MFSD12: variants seen among roughly 807,000 people sequenced by gnomAD.
MFSD12 encodes major facilitator superfamily domain containing 12, also known as major facilitator superfamily domain-containing protein 12.
A neutral mutation model predicts 51.2 loss-of-function variants in MFSD12; 67 were observed. The observed-to-expected ratio is 1.31, with a 90% CI of 1.08 to 1.60. The LOEUF (loss-of-function observed/expected upper bound fraction) is 1.60, where lower values mean the gene tolerates loss of function less well. Ranked by LOEUF, MFSD12 falls within the 40% of genes most tolerant of loss-of-function variation. The pLI is 0.00. For missense variants in MFSD12, 921 were observed against 673.0 expected (o/e 1.37, Z -4.08); for synonymous variants, 441 against 316.7 (o/e 1.39, Z -4.17).
chr19:3,549,558 A>G (rs2031339940), intron 2 of MFSD12, among the ~76,000 whole-genome samples: 1 of 148,942 alleles, frequency 6.7e-6, no homozygotes, highest in African/African-American at 2.5e-5. Context: ...TCCCATCTCT[A>G]CTAAAAATAC....
chr19:3,542,249 G>A (rs1403220755), downstream of MFSD12: 1 of 985,332 alleles, frequency 1.0e-6, no homozygotes, highest in Non-Finnish European at 1.2e-6. Flanking sequence ...AACAGGCTCT[G>A]TAACTGACCA....
chr19:3,548,597 C>T (rs1408395954), intron 2 of MFSD12, among the ~76,000 whole-genome samples: 1 of 152,206 alleles, frequency 6.6e-6, no homozygotes, highest in East Asian at 1.9e-4. Flanking sequence ...TCTTCTTCCC[C>T]AGATGCTGGG....
At chr19:3,548,712 G>T (rs1047360439) in intron 2 of MFSD12, among the ~76,000 whole-genome samples, 2 of 152,308 alleles carry the variant, frequency 1.3e-5, no homozygotes, top group South Asian at 2.1e-4. Context: ...ATCCTACCAT[G>T]AATCAGTCTC....
chr19:3,542,385 G>T (rs2030488424), downstream of MFSD12: 6 of 985,332 alleles, frequency 6.1e-6, no homozygotes, highest in African/African-American at 3.5e-5. Flanking sequence ...CTGCTAGACT[G>T]TCTTGGGGCC....
intron 7 of MFSD12, 28 bp from the exon 8 acceptor site, chr19:3,546,196 C>G (rs369967813): frequency 2.0e-5 from 33 of 1,609,980 alleles, no homozygotes; most frequent in Middle Eastern, 1.6e-4. Context: ...AGGTGGTCAG[C>G]GTGCACCCCG....
chr19:3,543,869 G>C (rs1428731497), downstream of MFSD12: 1 of 1,549,544 alleles, frequency 6.5e-7, no homozygotes, highest in African/African-American at 1.4e-5. Context: ...CACTGTGGAG[G>C]GCATCAGACT....
At position 3,546,241 on chromosome 19, in the gene MFSD12, G is replaced by C; in HGVS notation, c.1194+14C>G. 5.0e-6 allele frequency: 8 copies of C among 1,606,980 alleles called. No homozygotes were observed. The highest frequency in any genetic ancestry group is 6.0e-6 in the Non-Finnish European group (7 of 1,175,826). ...ACCCGGCCTCCCCCACCCCAGCCTG[G>C]CTACCAGCCCTACCGTGTGGGGACC... On this transcript the variant is annotated intron_variant, in intron 7 of 9. Transcript: ENST00000355415.
downstream of MFSD12, chr19:3,543,941 G>T (rs1400928303): frequency 1.0e-5 from 16 of 1,551,024 alleles, no homozygotes; most frequent in Non-Finnish European, 1.1e-5. Flanking sequence ...ACCGGGAGTG[G>T]GTCCTGGAAC....
chr19:3,543,505 G>T, downstream of MFSD12: 1 of 1,478,486 alleles, frequency 6.8e-7, no homozygotes, highest in Non-Finnish European at 9.1e-7. Context: ...CTGGGCAGCG[G>T]GCCTGCCAGA....
intron 8 of MFSD12, among the ~76,000 whole-genome samples, chr19:3,545,691 C>T (rs969772409): frequency 2.0e-5 from 3 of 152,250 alleles, no homozygotes; most frequent in Middle Eastern, 3.2e-3. Flanking sequence ...GCCCCAGGCC[C>T]AGACCGGCTG....
chr19:3,543,267 GGCCACCA>G (rs1242430865), downstream of MFSD12: 10 of 1,547,214 alleles, frequency 6.5e-6, no homozygotes, highest in East Asian at 2.4e-5. Flanking sequence ...GGTTCCCGCT[GGCCACCA>G]GCCATCAGGC....
chr19:3,547,929 C>T lies in MFSD12; in HGVS notation c.756G>A (p.Glu252=), dbSNP rs894297992. 1.0e-5 allele frequency: 16 copies of T among 1,588,808 alleles called. No homozygotes were observed. Among genetic ancestry groups the T allele is most frequent in the Non-Finnish European group, 1.4e-5 (16 of 1,174,416 alleles). ...RRRPHAEEPG[E]HTPLLAPATA... ...TGGCAGGGGCCAACAGGGGGGTGTG[C>T]TCGCCTGGCTCCTCCGCATGCGGCC... Residue 252 remains glutamate (E), a synonymous_variant, in exon 4 of 10, where the codon GAG becomes GAA. Coordinates refer to ENST00000355415, the MANE Select transcript of MFSD12 (RefSeq NM_174983.5).
At position 3,544,902 on chromosome 19, in the gene MFSD12, G is replaced by A. The variant is rs368039343; in HGVS notation, c.1327C>T (p.His443Tyr). The change falls in exon 9 of 10, where the codon CAC becomes TAC. Residue 443 changes from histidine to tyrosine, a missense_variant. Physicochemically the swap from His to Tyr is moderately conservative, Grantham distance 83 (BLOSUM62 2). Coordinates refer to ENST00000355415, the MANE Select transcript of MFSD12 (RefSeq NM_174983.5). ...LCCRACVSFY[H>Y]WAMVAVTGGV... ...CCCGTCACAGCCACCATCGCCCAGTGGTAAAAGCTCACGCAGGCCCTGCAG... is the reference window on the plus strand; with the variant it reads ...CCCGTCACAGCCACCATCGCCCAGTAGTAAAAGCTCACGCAGGCCCTGCAG... 31 of 1,611,450 alleles carry A rather than the reference G, an allele frequency of 1.9e-5. No individual in the cohort carries two copies. The highest frequency in any genetic ancestry group is 2.5e-5 in the Non-Finnish European group (29 of 1,179,508).
downstream of MFSD12, chr19:3,543,870 G>A (rs2030687814): frequency 6.5e-7 from 1 of 1,549,592 alleles, no homozygotes; most frequent in East Asian, 2.4e-5. Context: ...ACTGTGGAGG[G>A]CATCAGACTA....
Position 3,557,417 on chromosome 19 carries a change from C to T in MFSD12, c.-14G>A, listed in dbSNP as rs1001146108. On this transcript the variant is annotated 5_prime_UTR_variant, in exon 1 of 10. Coordinates refer to ENST00000355415, the MANE Select transcript of MFSD12 (RefSeq NM_174983.5). ...TCCCGGGCCCATCGCGGCGCCGGGC[C>T]CGCGCCCCCCACCCCCGGGCTCCGC... 6 of 1,216,956 alleles carry T rather than the reference C, an allele frequency of 4.9e-6. No homozygotes were observed. Among genetic ancestry groups the T allele is most frequent in the Non-Finnish European group, 6.2e-6 (6 of 973,918 alleles). 75.4% of individuals were successfully genotyped at this position (1,216,956 alleles called of 1,614,324 possible).
chr19:3,547,553 G>T lies in MFSD12; in HGVS notation c.838-6C>A, dbSNP rs776537666. On this transcript the variant is annotated splice_polypyrimidine_tract_variant and splice_region_variant and intron_variant, in intron 4 of 9. Coordinates refer to ENST00000355415, the MANE Select transcript of MFSD12 (RefSeq NM_174983.5). ...GTCATGTACAGTATGCCCACCTGTGGGCAGACCGACAGAGGGACTGGCAGG... is the reference window on the plus strand; with the variant it reads ...GTCATGTACAGTATGCCCACCTGTGTGCAGACCGACAGAGGGACTGGCAGG... 1 of 1,606,322 alleles carries T rather than the reference G, an allele frequency of 6.2e-7. No homozygotes were observed. The highest frequency in any genetic ancestry group is 1.7e-5 in the Admixed American group (1 of 58,958).
chr19:3,551,185 C>T lies in MFSD12; in HGVS notation c.308G>A (p.Cys103Tyr). The change falls in exon 2 of 10, where the codon TGC becomes TAC. Residue 103 changes from cysteine (C) to tyrosine (Y), a missense_variant. Physicochemically the swap from Cys to Tyr is radical, Grantham distance 194 (BLOSUM62 -2). Coordinates refer to ENST00000355415, the MANE Select transcript of MFSD12 (RefSeq NM_174983.5). This position sits in a 1 kb window ranked among gnomAD's most constrained non-coding sequence, Gnocchi z 4.6. ...RKAWHLVGTVCVLLSFPFIFS... is the reference protein window; with the variant it reads ...RKAWHLVGTVYVLLSFPFIFS... The stretch of plus-strand genomic sequence containing the variant: ...GATGAAGGGGAAGGACAGCAGGACG[C>T]AGACGGTGCCTGTGGAAGGCAGAGT... The T allele has an allele frequency of 6.2e-7, 1 of 1,605,684 alleles. No homozygotes were observed. The highest frequency in any genetic ancestry group is 8.5e-7 in the Non-Finnish European group (1 of 1,176,244).
chr19:3,543,462 G>A (rs764896759), downstream of MFSD12: 228 of 1,535,708 alleles, frequency 1.5e-4, no homozygotes, highest in Middle Eastern at 2.3e-4. Context: ...CGTGAGTGCA[G>A]CATGCCATCG....
At position 3,557,562 on chromosome 19, in the gene MFSD12, G is replaced by C; in HGVS notation, c.-159C>G. 1 of 301,740 alleles carries C rather than the reference G, an allele frequency of 3.3e-6. No homozygotes were observed. The highest frequency in any genetic ancestry group is 5.4e-6 in the Non-Finnish European group (1 of 184,280). The allele number at this position is 301,740 out of a possible 1,614,324, so 18.7% of individuals were successfully genotyped here. On this transcript the variant is annotated 5_prime_UTR_variant, in exon 1 of 10. Coordinates refer to ENST00000355415, the MANE Select transcript of MFSD12 (RefSeq NM_174983.5). ...GGCCGCGCCCTCACCCACGTCCGCC[G>C]CGTCCGCCCCACGCTCGACTCTGCA...
Sources: allele counts gnomAD v4.1 joint callset (sites outside exome capture counted in the v4.1 genomes callset), GRCh38; gene constraint gnomAD v4.1.1; non-coding constraint Gnocchi (gnomAD v3.1); transcripts MANE v1.5; gene names NCBI Gene and HGNC (gene_info 2026-07-23, HGNC 2026-07-21).